NELL1: variants seen among roughly 807,000 people sequenced by gnomAD.
NELL1 encodes neural EGFL like 1.
In NELL1, 76 loss-of-function variants were observed where a neutral mutation model predicts 107.4. That is an observed-to-expected ratio of 0.71 (90% confidence interval 0.59 to 0.86). The LOEUF (loss-of-function observed/expected upper bound fraction) is 0.86. NELL1 is among the 40% of genes least tolerant of loss of function. The pLI, the probability that NELL1 is intolerant of heterozygous loss-of-function variation, is 0.00. For missense variants in NELL1, 1,024 were observed against 1,005.5 expected, an observed-to-expected ratio of 1.02 and a Z score of -0.25; for synonymous variants, 353 against 341.2, an observed-to-expected ratio of 1.03 and a Z score of -0.38.
chr11:20,852,377 A>G (rs1057226183), intron 4 of NELL1, among the ~76,000 whole-genome samples: 2 of 152,230 alleles, frequency 1.3e-5, no homozygotes, highest in Admixed American at 1.3e-4. Context: ...TAAACTTGCT[A>G]CAAATCAATG....
At chr11:20,951,154 A>C (rs1851061529) in intron 11 of NELL1, among the ~76,000 whole-genome samples, 1 of 152,218 alleles carries the variant, frequency 6.6e-6, no homozygotes, top group Non-Finnish European at 1.5e-5. Flanking sequence ...GCTCACTGTC[A>C]TTGTCATGTT....
rs564952999 is a variant in NELL1 at position 21,292,546 on chromosome 11, A to G, written c.1549+63092A>G. 1.4e-3 allele frequency among the ~76,000 whole-genome samples: 208 copies of G among 152,310 alleles called. 1 individual carries two copies. Among genetic ancestry groups the G allele is most frequent in the African/African-American group, 4.6e-3 (192 of 41,566 alleles). ...TCAATGCTCTCCCCATAAAGCTACC[A>G]TTGACTTTCTTCACAGAGTTAGAAA... On this transcript the variant is annotated intron_variant, in intron 14 of 19. Coordinates refer to ENST00000357134, the MANE Select transcript of NELL1 (RefSeq NM_006157.5).
At chr11:21,409,879 T>C (rs2133808780) in intron 15 of NELL1, among the ~76,000 whole-genome samples, 1 of 151,606 alleles carries the variant, frequency 6.6e-6, no homozygotes, top group Middle Eastern at 3.4e-3. Context: ...TGCATGACGA[T>C]GAGAAAACAA....
intron 4 of NELL1, among the ~76,000 whole-genome samples, chr11:20,856,337 T>C (rs928127648): frequency 3.9e-5 from 6 of 152,150 alleles, no homozygotes; most frequent in Non-Finnish European, 7.4e-5. Flanking sequence ...GGAAATAATT[T>C]CTCTTCTCTT....
intron 14 of NELL1, among the ~76,000 whole-genome samples, chr11:21,251,294 A>T (rs1037173795): frequency 6.6e-6 from 1 of 152,124 alleles, no homozygotes; most frequent in African/African-American, 2.4e-5. Context: ...CCCAGAGATT[A>T]GTCACAGAAT....
intron 14 of NELL1, among the ~76,000 whole-genome samples, chr11:21,361,007 G>T (rs550964128): frequency 1.3e-5 from 2 of 152,176 alleles, no homozygotes; most frequent in East Asian, 3.9e-4. Flanking sequence ...ATGCTAGTTG[G>T]TGCCTTTATA....
At chr11:21,129,705 A>G (rs1229019777) in intron 13 of NELL1, among the ~76,000 whole-genome samples, 1 of 152,190 alleles carries the variant, frequency 6.6e-6, no homozygotes, top group Admixed American at 6.5e-5. Context: ...ACCTGGAGTA[A>G]TCAAATTCAT....
chr11:21,260,882 G>T (rs1175687554), intron 14 of NELL1: 3 of 151,720 alleles, frequency 2.0e-5, no homozygotes. Context: ...ATACATGGAA[G>T]TTAATTCATT....
chr11:20,912,495 A>G (rs371806546), intron 5 of NELL1, among the ~76,000 whole-genome samples: 3 of 152,194 alleles, frequency 2.0e-5, no homozygotes, highest in Admixed American at 1.3e-4. Flanking sequence ...AAATAAAAAA[A>G]TGAGCCGAGG....
intron 5 of NELL1, among the ~76,000 whole-genome samples, chr11:20,886,214 C>T (rs1449485332): frequency 6.6e-6 from 1 of 151,918 alleles, no homozygotes; most frequent in Non-Finnish European, 1.5e-5. Context: ...TGCAGTATAC[C>T]CATGTAACAA....
At chr11:20,678,799 G>T (rs908186070) in intron 2 of NELL1, among the ~76,000 whole-genome samples, 9 of 152,172 alleles carry the variant, frequency 5.9e-5, no homozygotes, top group African/African-American at 2.2e-4. Context: ...CAAGGGCAAA[G>T]ACTTCATAAT....
chr11:21,376,207 T>A (rs1226570954), intron 15 of NELL1, among the ~76,000 whole-genome samples: 1 of 152,152 alleles, frequency 6.6e-6, no homozygotes, highest in Non-Finnish European at 1.5e-5. Flanking sequence ...TTAATCCATC[T>A]TGAGTTAATT....
chr11:21,561,080 A>G (rs953034725), intron 17 of NELL1, among the ~76,000 whole-genome samples: 1 of 151,790 alleles, frequency 6.6e-6, no homozygotes, highest in African/African-American at 2.4e-5. Context: ...TTGCCTATTT[A>G]TTTTCCTTTG....
rs939693903 is a variant in NELL1, at chr11:21,277,466, TCAA to T, written c.1549+48014_1549+48016del. Among the ~76,000 whole-genome samples the T allele has an allele frequency of 4.7e-4, 71 of 151,678 alleles. 1 individual carries two copies. Among genetic ancestry groups the T allele is most frequent in the African/African-American group, 1.7e-3 (70 of 41,380 alleles). ...CCTGTTGGTGGGACTGTAAACTAGT[TCAA>T]CCATTGTGGAAGTCAGTGTGGCGAT... On this transcript the variant is annotated intron_variant, in intron 14 of 19. Coordinates refer to ENST00000357134, the MANE Select transcript of NELL1 (RefSeq NM_006157.5).
At chr11:20,681,173 T>C (rs1366624000) in intron 2 of NELL1, among the ~76,000 whole-genome samples, 1 of 152,174 alleles carries the variant, frequency 6.6e-6, no homozygotes, top group African/African-American at 2.4e-5. Flanking sequence ...CTGGATAGGC[T>C]GAGAACTCTC....
intron 14 of NELL1, among the ~76,000 whole-genome samples, chr11:21,353,173 T>C (rs563815961): frequency 6.6e-6 from 1 of 152,156 alleles, no homozygotes; most frequent in African/African-American, 2.4e-5. Context: ...GCCAGTATCA[T>C]GTGGACTAAA....
intron 13 of NELL1, among the ~76,000 whole-genome samples, chr11:21,120,348 C>G (rs931351878): frequency 6.6e-6 from 1 of 151,948 alleles, no homozygotes; most frequent in African/African-American, 2.4e-5. Context: ...TAATTTTGGT[C>G]AATTATATTG....
intron 15 of NELL1, among the ~76,000 whole-genome samples, chr11:21,399,531 T>C (rs1852049769): frequency 6.6e-6 from 1 of 151,818 alleles, no homozygotes; most frequent in South Asian, 2.1e-4. Flanking sequence ...TTTTAAAATA[T>C]AAATAAAAAT....
At chr11:21,131,109 C>G (rs1444158959) in intron 13 of NELL1, among the ~76,000 whole-genome samples, 1 of 152,116 alleles carries the variant, frequency 6.6e-6, no homozygotes, top group Non-Finnish European at 1.5e-5. Context: ...AATGCTGGAA[C>G]TTTTGCCTCT....
Sources: allele counts gnomAD v4.1 joint callset (sites outside exome capture counted in the v4.1 genomes callset), GRCh38; gene constraint gnomAD v4.1.1; transcripts MANE v1.5; gene names NCBI Gene and HGNC (gene_info 2026-07-23, HGNC 2026-07-21).